The following CEP170 variants were observed in gnomAD, a reference collection of about 807,000 sequenced individuals.
CEP170 encodes centrosomal protein 170.
A neutral mutation model predicts 151.9 loss-of-function variants in CEP170; 21 were observed. The observed-to-expected ratio is 0.14, with a 90% CI of 0.10 to 0.20. The LOEUF (loss-of-function observed/expected upper bound fraction) is 0.20, where lower values mean the gene tolerates loss of function less well. CEP170 is among the 10% of genes least tolerant of loss of function. The pLI, the probability that CEP170 is intolerant of heterozygous loss-of-function variation, is 1.00. For synonymous variants in CEP170, 356 were observed against 648.8 expected (o/e 0.55, Z 6.86); for missense variants, 964 against 1,892.9 (o/e 0.51, Z 9.11).
chr1:243,153,243 T>C (rs1300331278), intron 14 of CEP170, among the ~76,000 whole-genome samples: 1 of 152,196 alleles, frequency 6.6e-6, no homozygotes, highest in Non-Finnish European at 1.5e-5. Flanking sequence ...AAGAAAGTGG[T>C]ATCTTGCAAT....
intron 2 of CEP170, among the ~76,000 whole-genome samples, chr1:243,224,618 A>G (rs548447783): frequency 1.3e-5 from 2 of 152,272 alleles, no homozygotes; most frequent in African/African-American, 4.8e-5. Flanking sequence ...TCTTACCCCT[A>G]TAGAGACCCT....
chr1:243,154,172 C>A (rs1324672358), intron 14 of CEP170, among the ~76,000 whole-genome samples: 1 of 152,190 alleles, frequency 6.6e-6, no homozygotes, highest in South Asian at 2.1e-4. Flanking sequence ...GTGAAATAGT[C>A]CTAAATTCTA....
intron 3 of CEP170, among the ~76,000 whole-genome samples, chr1:243,213,789 T>G (rs909167156): frequency 1.3e-5 from 2 of 152,212 alleles, no homozygotes; most frequent in Non-Finnish European, 2.9e-5. Context: ...CATCTCATTC[T>G]GAAGCCTCGA....
intron 10 of CEP170, among the ~76,000 whole-genome samples, chr1:243,181,198 T>A (rs1444203959): frequency 6.6e-6 from 1 of 152,102 alleles, no homozygotes; most frequent in African/African-American, 2.4e-5. Context: ...GAGAAGAAAC[T>A]GGTACTGTGA....
chr1:243,139,106 T>TA (rs901920587), intron 16 of CEP170, among the ~76,000 whole-genome samples: 12 of 137,670 alleles, frequency 8.7e-5, no homozygotes, highest in South Asian at 2.3e-4. Context: ...TTTCTTTTTC[T>TA]TTTTTTTTTT....
chr1:243,124,701 G>GTTTATTTTTTC lies in CEP170; in HGVS notation c.*1747_*1748insGAAAAAATAAA. 1 of 152,602 alleles carries GTTTATTTTTTC rather than the reference G, an allele frequency of 6.6e-6. No individual in the cohort carries two copies. Among genetic ancestry groups the GTTTATTTTTTC allele is most frequent in the South Asian group, 2.1e-4 (1 of 4,824 alleles). 9.5% of individuals were successfully genotyped at this position (152,602 alleles called of 1,614,324 possible). A position where few individuals can be genotyped will look rare whatever the true frequency, so the allele number is the denominator to read the frequency against. Reference sequence around the variant, plus strand: ...ACCCAAATATTAAATAAAAGAGGGAGCAATGCTGATTATTTTGTCCAACTT... The same window carrying GTTTATTTTTTC: ...ACCCAAATATTAAATAAAAGAGGGAGTTTATTTTTTCCAATGCTGATTATTTTGTCCAACTT... On this transcript the variant is annotated 3_prime_UTR_variant, in exon 20 of 20. Coordinates refer to ENST00000366542, the MANE Select transcript of CEP170 (RefSeq NM_014812.3).
At chr1:243,152,662 G>C (rs1465495611) in intron 14 of CEP170, among the ~76,000 whole-genome samples, 1 of 147,810 alleles carries the variant, frequency 6.8e-6, no homozygotes, top group African/African-American at 2.5e-5. Context: ...CTCCCGAGTA[G>C]CTGGGACTAC....
intron 10 of CEP170, among the ~76,000 whole-genome samples, chr1:243,178,777 G>C (rs552799669): frequency 2.0e-5 from 3 of 151,240 alleles, no homozygotes; most frequent in Non-Finnish European, 2.9e-5. Context: ...GGAGTGCAGT[G>C]GCACAATCTT....
intron 10 of CEP170, among the ~76,000 whole-genome samples, chr1:243,175,458 C>T (rs1297260216): frequency 1.3e-5 from 2 of 152,190 alleles, no homozygotes; most frequent in East Asian, 3.8e-4. Flanking sequence ...AGATTGAAAT[C>T]CATATCTATG....
At chr1:243,237,727 A>AC (rs985669297) in intron 1 of CEP170, among the ~76,000 whole-genome samples, 1 of 151,980 alleles carries the variant, frequency 6.6e-6, no homozygotes. Flanking sequence ...ATATGGTGAA[A>AC]CCCCCGTCTC....
chr1:243,130,019 C>A (rs1408652359), intron 17 of CEP170, among the ~76,000 whole-genome samples: 1 of 152,052 alleles, frequency 6.6e-6, no homozygotes, highest in African/African-American at 2.4e-5. Flanking sequence ...TAGGAAAATA[C>A]ACAGTATATT....
At chr1:243,184,886 T>C (rs1572109878) in intron 10 of CEP170, among the ~76,000 whole-genome samples, 1 of 152,212 alleles carries the variant, frequency 6.6e-6, no homozygotes, top group East Asian at 1.9e-4. Context: ...AGAAGCTGCA[T>C]TTCTAACAAG....
chr1:243,251,545 C>CCA (rs2149206354), intron 1 of CEP170, among the ~76,000 whole-genome samples: 1 of 152,138 alleles, frequency 6.6e-6, no homozygotes, highest in South Asian at 2.1e-4. Flanking sequence ...TACACACACA[C>CCA]CACACACACA....
chr1:243,157,250 T>G (rs2057646272), intron 13 of CEP170, among the ~76,000 whole-genome samples: 1 of 152,240 alleles, frequency 6.6e-6, no homozygotes. Context: ...AATCACTTTC[T>G]TATTTACAGT....
intron 13 of CEP170, chr1:243,156,719 A>C (rs2057582327): frequency 3.1e-6 from 1 of 323,636 alleles, no homozygotes; most frequent in Non-Finnish European, 5.5e-6. Flanking sequence ...ATTCAGATGA[A>C]AAATTTCGCT....
rs1275346570 is a variant in CEP170 at position 243,165,962 on chromosome 1, C to T, written c.1998G>A (p.Arg666=). 1.2e-6 allele frequency: 2 copies of T among 1,613,524 alleles called. No individual in the cohort carries two copies. The highest frequency in any genetic ancestry group is 1.7e-6 in the Non-Finnish European group (2 of 1,179,712). The change falls in exon 13 of 20, where the codon AGG becomes AGA. Residue 666 remains arginine, a synonymous_variant. Coordinates refer to ENST00000366542, the MANE Select transcript of CEP170 (RefSeq NM_014812.3). ...TGTCTTGTTTTTCTCCTATCTCTGACCTCTGTGTTACAACCTTTGCTCTGT... is the reference window on the plus strand; with the variant it reads ...TGTCTTGTTTTTCTCCTATCTCTGATCTCTGTGTTACAACCTTTGCTCTGT... ...ESHRAKVVTQ[R]SEIGEKQDTE... is the part of the protein sequence containing the mutation.
chr1:243,156,683 T>A, intron 13 of CEP170: 1 of 424,594 alleles, frequency 2.4e-6, no homozygotes, highest in Non-Finnish European at 4.1e-6. Context: ...TGGAAGACCA[T>A]GTTTTCCATA....
At chr1:243,226,517 A>C (rs180700813) in intron 1 of CEP170, among the ~76,000 whole-genome samples, 4 of 152,188 alleles carry the variant, frequency 2.6e-5, no homozygotes, top group Non-Finnish European at 5.9e-5. Flanking sequence ...ACCTGGCTTC[A>C]TACACATAAA....
intron 4 of CEP170, among the ~76,000 whole-genome samples, chr1:243,202,396 C>T (rs1193636009): frequency 1.3e-5 from 2 of 152,132 alleles, no homozygotes; most frequent in South Asian, 2.1e-4. Context: ...TCCCAGACTT[C>T]ACCCTTGCAC....
Sources: allele counts gnomAD v4.1 joint callset (sites outside exome capture counted in the v4.1 genomes callset), GRCh38; gene constraint gnomAD v4.1.1; transcripts MANE v1.5; gene names NCBI Gene and HGNC (gene_info 2026-07-23, HGNC 2026-07-21).